Variants in ATP13A5 observed in about 807,000 individuals in gnomAD.
ATP13A5 encodes the protein probable cation-transporting ATPase 13A5.
ATP13A5 carries 149 observed loss-of-function variants against 150.2 expected under a neutral mutation model. That is an observed-to-expected ratio of 0.99 (90% CI 0.87 to 1.14). ATP13A5 has a LOEUF of 1.14. ATP13A5 is among the 50% of genes most tolerant of loss of function. The pLI, the probability that ATP13A5 is intolerant of heterozygous loss-of-function variation, is 0.00. For missense variants in ATP13A5, 1,383 were observed against 1,449.3 expected (o/e 0.95, Z 0.74); for synonymous variants, 497 against 522.2 (o/e 0.95, Z 0.66).
At chr3:193,374,647 A>ACACACG (rs1553824628) in intron 1 of ATP13A5, among the ~76,000 whole-genome samples, 1 of 148,512 alleles carries the variant, frequency 6.7e-6, no homozygotes, top group Non-Finnish European at 1.5e-5. Flanking sequence ...CATGACACAC[A>ACACACG]CACACACACA....
At chr3:193,332,625 A>G (rs1280854996) in intron 11 of ATP13A5, among the ~76,000 whole-genome samples, 1 of 152,082 alleles carries the variant, frequency 6.6e-6, no homozygotes, top group African/African-American at 2.4e-5. Context: ...TCTTTTGCCC[A>G]ATATCAATTT....
intron 23 of ATP13A5, among the ~76,000 whole-genome samples, 188 bp from the exon 24 acceptor site, chr3:193,301,495 C>A (rs1370676958): frequency 6.6e-6 from 1 of 152,162 alleles, no homozygotes; most frequent in Non-Finnish European, 1.5e-5. Context: ...CCTTACTCAT[C>A]GGTTCATTTA....
intron 16 of ATP13A5, among the ~76,000 whole-genome samples, chr3:193,321,359 G>A (rs564108171): frequency 1.8e-4 from 27 of 152,238 alleles, no homozygotes; most frequent in African/African-American, 6.3e-4. Context: ...GGCTGGCCGC[G>A]GTGGCTCACA....
intron 9 of ATP13A5, among the ~76,000 whole-genome samples, chr3:193,337,521 C>T (rs565116876): frequency 5.4e-4 from 82 of 152,126 alleles, no homozygotes; most frequent in African/African-American, 2.0e-3. Flanking sequence ...TTGTTTTTGT[C>T]AGGTTTGTCA....
chr3:193,301,887 C>T (rs969680027), intron 23 of ATP13A5, among the ~76,000 whole-genome samples: 1 of 151,862 alleles, frequency 6.6e-6, no homozygotes, highest in Admixed American at 6.6e-5. Flanking sequence ...TCTGAGTGGG[C>T]CATAAAGATC....
intron 1 of ATP13A5, among the ~76,000 whole-genome samples, chr3:193,378,113 G>T (rs9816981): frequency 1.5e-3 from 228 of 152,176 alleles, no homozygotes; most frequent in African/African-American, 5.3e-3. Context: ...ATGAAAACAA[G>T]AGTGGGGAAA....
chr3:193,321,851 A>C lies in ATP13A5; in HGVS notation c.1759-14T>G. On this transcript the variant is annotated splice_polypyrimidine_tract_variant and intron_variant, in intron 15 of 29. Coordinates refer to ENST00000342358, the MANE Select transcript of ATP13A5 (RefSeq NM_198505.4). ...TTCCACTGGACTCTGCAAGCCCATCAACAACAGGGAGCTTAACAAGCTGCT... is the reference window on the plus strand; with the variant it reads ...TTCCACTGGACTCTGCAAGCCCATCCACAACAGGGAGCTTAACAAGCTGCT... The C allele has an allele frequency of 6.2e-7, 1 of 1,611,382 alleles. No homozygotes were observed. Among genetic ancestry groups the C allele is most frequent in the Non-Finnish European group, 8.5e-7 (1 of 1,178,110 alleles).
chr3:193,298,642 T>A (rs1393644342), intron 25 of ATP13A5, among the ~76,000 whole-genome samples: 2 of 152,152 alleles, frequency 1.3e-5, no homozygotes, highest in Non-Finnish European at 2.9e-5. Flanking sequence ...TAGGAAATAC[T>A]TTACCAGTGT....
chr3:193,348,575 G>A (rs1577363815), intron 7 of ATP13A5, among the ~76,000 whole-genome samples: 2 of 152,258 alleles, frequency 1.3e-5, no homozygotes, highest in African/African-American at 4.8e-5. Context: ...AGGGTTTCTT[G>A]GCTTAGGAAA....
At chr3:193,347,898 A>G (rs1254517885) in intron 7 of ATP13A5, among the ~76,000 whole-genome samples, 1 of 152,138 alleles carries the variant, frequency 6.6e-6, no homozygotes, top group African/African-American at 2.4e-5. Context: ...ACATTCCATT[A>G]TAGCTATCTG....
chr3:193,314,900 C>A, intron 18 of ATP13A5, 72 bp downstream of exon 18: 1 of 1,562,384 alleles, frequency 6.4e-7, no homozygotes, highest in Non-Finnish European at 8.7e-7. Context: ...CATGAACTCA[C>A]TCAGCTCACA....
chr3:193,356,808 G>T (rs1186463442), intron 5 of ATP13A5, among the ~76,000 whole-genome samples: 4 of 147,742 alleles, frequency 2.7e-5, no homozygotes, highest in Non-Finnish European at 4.5e-5. Flanking sequence ...GGCAGAAACA[G>T]ATTTTTTTTT....
chr3:193,324,237 T>G (rs1719390558), intron 14 of ATP13A5, among the ~76,000 whole-genome samples: 1 of 152,212 alleles, frequency 6.6e-6, no homozygotes, highest in Non-Finnish European at 1.5e-5. Context: ...CTCAGGAGAT[T>G]GAACCAGTTG....
In ATP13A5 at chr3:193,274,943, A is replaced by G. The variant is rs779694621; in HGVS notation, c.*99T>C. 103 of 1,483,426 alleles carry G rather than the reference A, an allele frequency of 6.9e-5. No homozygotes were observed. The highest frequency in any genetic ancestry group is 2.0e-4 in the Middle Eastern group (1 of 4,932). 91.9% of individuals were successfully genotyped at this position (1,483,426 alleles called of 1,614,324 possible). On this transcript the variant is annotated 3_prime_UTR_variant, in exon 30 of 30. Coordinates refer to ENST00000342358, the MANE Select transcript of ATP13A5 (RefSeq NM_198505.4). ...AAATATACTTTGAATGCTTGAATGG[A>G]GAGAGGAAAGGTAAGGGGAGAGTAT...
chr3:193,356,755 ACTTAAATGT>A (rs1712806803), intron 5 of ATP13A5, among the ~76,000 whole-genome samples: 1 of 152,206 alleles, frequency 6.6e-6, no homozygotes, highest in Admixed American at 6.5e-5. Context: ...TATAATGTAT[ACTTAAATGT>A]CTTTTCCCTC....
At chr3:193,305,490 G>C in intron 23 of ATP13A5, 69 bp downstream of exon 23, 2 of 1,235,602 alleles carry the variant, frequency 1.6e-6, no homozygotes, top group Admixed American at 1.7e-5. Context: ...GCTTGTAGTT[G>C]AATTCTGTCT....
chr3:193,327,877 G>T (rs1419580277), intron 12 of ATP13A5, among the ~76,000 whole-genome samples: 1 of 152,100 alleles, frequency 6.6e-6, no homozygotes, highest in Non-Finnish European at 1.5e-5. Context: ...GCACTGCCAG[G>T]GCCCACCAGA....
chr3:193,274,839 AT>A lies in ATP13A5; in HGVS notation c.*202del. The A allele has an allele frequency of 1.5e-6, 1 of 663,324 alleles. No homozygotes were observed. The allele number at this position is 663,324 out of a possible 1,614,324, so 41.1% of individuals were successfully genotyped here. A position where few individuals can be genotyped will look rare whatever the true frequency, so the allele number is the denominator to read the frequency against. On this transcript the variant is annotated 3_prime_UTR_variant, in exon 30 of 30. Coordinates refer to ENST00000342358, the MANE Select transcript of ATP13A5 (RefSeq NM_198505.4). Reference sequence around the variant, plus strand: ...TTGAAAAGGATGATACAGGAAATGCATTTTTTTCTCTCATTGGTAAAGCATA... The same window carrying A: ...TTGAAAAGGATGATACAGGAAATGCATTTTTTCTCTCATTGGTAAAGCATA...
chr3:193,322,533 C>T lies in ATP13A5; in HGVS notation c.1716G>A (p.Thr572=), dbSNP rs374486910. 154 of 1,613,832 alleles carry T rather than the reference C, an allele frequency of 9.5e-5. 1 individual carries two copies. Among genetic ancestry groups the T allele is most frequent in the South Asian group, 4.4e-4 (40 of 91,022 alleles). The change falls in exon 15 of 30, where the codon ACG becomes ACA. Residue 572 remains threonine (T), a synonymous_variant. Coordinates refer to ENST00000342358, the MANE Select transcript of ATP13A5 (RefSeq NM_198505.4). ...CTGGTTTTATGATGTTTGAAACTGA[C>T]GTCCCAAATTTGCAGGAGTCTACAA... The part of the protein sequence containing the change: ...DCIVDSCKFG[T]SVSNIIKPGP...
Sources: gnomAD v4.1 joint callset for allele counts (sites outside exome capture counted in the v4.1 genomes callset) on GRCh38, gnomAD v4.1.1 for gene constraint, MANE v1.5 for transcripts, NCBI Gene and HGNC (gene_info 2026-07-23, HGNC 2026-07-21) for gene names.